The following STRN variants were observed in gnomAD, a reference collection of about 807,000 sequenced individuals.
STRN encodes the protein striatin.
Under a neutral mutation model 96.3 loss-of-function variants are expected in STRN, and 53 were observed. The ratio of observed to expected loss-of-function variants is 0.55; its 90% CI spans 0.44 to 0.69. The LOEUF (loss-of-function observed/expected upper bound fraction) is 0.69, where lower values mean the gene tolerates loss of function less well. Ranked by LOEUF, STRN falls within the 30% of genes least tolerant of loss-of-function variation. The probability of loss-of-function intolerance (pLI) is 0.00; values close to 1 mark genes in which losing one functional copy is unlikely to be tolerated. For synonymous variants in STRN, 428 were observed against 355.9 expected (o/e 1.20, Z -2.28); for missense variants, 987 against 963.9 (o/e 1.02, Z -0.32).
chr2:36,867,775 G>C (rs929575452), intron 12 of STRN, 39 bp downstream of exon 12: 10 of 1,352,502 alleles, frequency 7.4e-6, no homozygotes, highest in Non-Finnish European at 1.0e-5. Context: ...CTATTTTACA[G>C]AGATATCGGT....
At position 36,843,324 on chromosome 2, in the gene STRN, G is replaced by A. The variant is rs997887727; in HGVS notation, c.*6132C>T. Among the ~76,000 whole-genome samples the A allele has an allele frequency of 6.6e-6, 1 of 152,138 alleles. No homozygotes were observed. Among genetic ancestry groups the A allele is most frequent in the Admixed American group, 6.6e-5 (1 of 15,258 alleles). Reference sequence around the variant, plus strand: ...GGAACAAAAAGACTGTGAGTTCTGGGCAGGCCAAAGGCCTTGAAAAATAAT... The same window carrying A: ...GGAACAAAAAGACTGTGAGTTCTGGACAGGCCAAAGGCCTTGAAAAATAAT... On this transcript the variant is annotated 3_prime_UTR_variant, in exon 18 of 18. Transcript: ENST00000263918.
At chr2:36,905,996 A>C (rs1426203908) in intron 3 of STRN, among the ~76,000 whole-genome samples, 2 of 152,216 alleles carry the variant, frequency 1.3e-5, no homozygotes, top group Non-Finnish European at 2.9e-5. Flanking sequence ...ATAATTGAAC[A>C]TTTAAAAATA....
rs1437792920 is a variant in STRN at position 36,843,037 on chromosome 2, G to A, written c.*6419C>T. 1.3e-5 allele frequency among the ~76,000 whole-genome samples: 2 copies of A among 152,124 alleles called. No individual in the cohort carries two copies. Among genetic ancestry groups the A allele is most frequent in the Non-Finnish European group, 1.5e-5 (1 of 68,020 alleles). ...TGGCAATCTTAGGCTGACCCCAGGAGGTTCATCAATCCGTGAATAATTTTT... is the reference window on the plus strand; with the variant it reads ...TGGCAATCTTAGGCTGACCCCAGGAAGTTCATCAATCCGTGAATAATTTTT... On this transcript the variant is annotated 3_prime_UTR_variant, in exon 18 of 18. Transcript: ENST00000263918.
At chr2:36,939,328 T>C (rs1423890213) in intron 1 of STRN, among the ~76,000 whole-genome samples, 2 of 152,150 alleles carry the variant, frequency 1.3e-5, no homozygotes, top group Non-Finnish European at 2.9e-5. Context: ...TACAGACCAA[T>C]TACCTGATAC....
At chr2:36,929,007 C>T (rs1670497669) in intron 1 of STRN, among the ~76,000 whole-genome samples, 2 of 150,568 alleles carry the variant, frequency 1.3e-5, no homozygotes, top group South Asian at 2.1e-4. Context: ...AATCATCATA[C>T]TGCCATTTAT....
At chr2:36,891,508 G>C (rs989889550) in intron 7 of STRN, among the ~76,000 whole-genome samples, 1 of 148,638 alleles carries the variant, frequency 6.7e-6, no homozygotes, top group East Asian at 2.0e-4. Flanking sequence ...CTGGGCAACA[G>C]AGTGAGACTC....
At chr2:36,946,413 T>A (rs757756901) in intron 1 of STRN, among the ~76,000 whole-genome samples, 1 of 152,210 alleles carries the variant, frequency 6.6e-6, no homozygotes, top group Non-Finnish European at 1.5e-5. Flanking sequence ...ACACTAGTAA[T>A]AAAACCTACA....
intron 3 of STRN, among the ~76,000 whole-genome samples, chr2:36,909,066 G>C (rs1014498012): frequency 6.7e-6 from 1 of 148,460 alleles, no homozygotes; most frequent in African/African-American, 2.5e-5. Context: ...TGAGACAGGA[G>C]AATCATTTGA....
At chr2:36,854,999 A>T (rs564545759) in intron 15 of STRN, among the ~76,000 whole-genome samples, 28 of 152,314 alleles carry the variant, frequency 1.8e-4, no homozygotes, top group Non-Finnish European at 3.8e-4. Flanking sequence ...AACAGCTCAA[A>T]TGCTATTTCA....
At chr2:36,923,445 C>CAAAAAAAAA (rs1200328345) in intron 2 of STRN, among the ~76,000 whole-genome samples, 1 of 58,492 alleles carries the variant, frequency 1.7e-5, no homozygotes, top group African/African-American at 6.1e-5. Flanking sequence ...AGCAGGACTC[C>CAAAAAAAAA]AAAAAAAAAA....
chr2:36,902,684 A>G lies in STRN; in HGVS notation c.559T>C (p.Leu187=). ...TCCGTGACATCACTTGAAAAGCCCA[A>G]CAAAGCTCGCACTCGTTTAGATTTC... ...DVKSKRVRAL[L]GFSSDVTDRE... Residue 187 remains leucine (L), a synonymous_variant, in exon 5 of 18, where the codon TTG becomes CTG. Transcript: ENST00000263918. The G allele has an allele frequency of 6.2e-7, 1 of 1,611,884 alleles. No homozygotes were observed. The highest frequency in any genetic ancestry group is 8.5e-7 in the Non-Finnish European group (1 of 1,178,460).
At chr2:36,879,093 TG>T (rs1412598589) in intron 9 of STRN, among the ~76,000 whole-genome samples, 1 of 149,892 alleles carries the variant, frequency 6.7e-6, no homozygotes, top group Non-Finnish European at 1.5e-5. Flanking sequence ...GTTTTTTAGA[TG>T]GAGTCATGCT....
At position 36,931,070 on chromosome 2, in the gene STRN, A is replaced by C. The variant is rs1284556694; in HGVS notation, c.235-5862T>G. ...AAAGAAAGAAGCAAAGAATAGTCCC[A>C]GAACCCTACCTCTTTTTTTTCCCCA... On this transcript the variant is annotated intron_variant, in intron 1 of 17. Transcript: ENST00000263918. Among the ~76,000 whole-genome samples, 3 of 151,966 alleles carry C rather than the reference A, an allele frequency of 2.0e-5. No individual in the cohort carries two copies. In the East Asian group the frequency reaches 5.8e-4, roughly 29 times the overall value.
chr2:36,952,720 C>T (rs1407945366), intron 1 of STRN, among the ~76,000 whole-genome samples: 1 of 152,068 alleles, frequency 6.6e-6, no homozygotes, highest in Non-Finnish European at 1.5e-5. Context: ...AAAGAAGAAA[C>T]AAAAGATAAA....
intron 6 of STRN, among the ~76,000 whole-genome samples, chr2:36,896,009 G>A (rs1669532983): frequency 6.6e-6 from 1 of 152,014 alleles, no homozygotes; most frequent in African/African-American, 2.4e-5. Context: ...TAAATATATT[G>A]CCTAATCTAC....
At chr2:36,902,156 T>G (rs1179487506) in intron 5 of STRN, among the ~76,000 whole-genome samples, 1 of 152,200 alleles carries the variant, frequency 6.6e-6, no homozygotes, top group Admixed American at 6.5e-5. Flanking sequence ...AAAATAGATA[T>G]TTTATATCAA....
At chr2:36,867,458 G>C (rs1395348257) in intron 12 of STRN, 1 of 165,096 alleles carries the variant, frequency 6.1e-6, no homozygotes, top group South Asian at 1.9e-4. Flanking sequence ...GCTAATCTCT[G>C]TATCTTTCCA....
intron 12 of STRN, 87 bp from the exon 13 acceptor site, chr2:36,861,340 C>T (rs1668474555): frequency 6.6e-7 from 1 of 1,504,648 alleles, no homozygotes; most frequent in Admixed American, 2.0e-5. Flanking sequence ...TGTTTAATTA[C>T]CCAAATGGCT....
At chr2:36,898,898 G>A (rs1366325077) in intron 6 of STRN, among the ~76,000 whole-genome samples, 2 of 152,062 alleles carry the variant, frequency 1.3e-5, no homozygotes, top group African/African-American at 4.8e-5. Context: ...GAAGGGAGAA[G>A]GGGAAGAGGG....
Sources: gnomAD v4.1 joint callset for allele counts (sites outside exome capture counted in the v4.1 genomes callset) on GRCh38, gnomAD v4.1.1 for gene constraint, MANE v1.5 for transcripts, NCBI Gene and HGNC (gene_info 2026-07-23, HGNC 2026-07-21) for gene names.